Variants in ELP2 observed in about 807,000 individuals in gnomAD.
The protein encoded by ELP2 is elongator complex protein 2.
In ELP2, 90 loss-of-function variants were observed where a neutral mutation model predicts 119.2. The ratio of observed to expected loss-of-function variants is 0.75; its 90% confidence interval spans 0.64 to 0.90. The LOEUF (loss-of-function observed/expected upper bound fraction) is 0.90, where lower values mean the gene tolerates loss of function less well. Among genes scored for constraint, ELP2 ranks in the 40% least tolerant of loss-of-function variants. The pLI is 0.00. For missense variants in ELP2, 921 were observed against 967.8 expected, an observed-to-expected ratio of 0.95 and a Z score of 0.64; for synonymous variants, 339 against 331.0, an observed-to-expected ratio of 1.02 and a Z score of -0.26.
At chr18:36,166,658 C>A (rs1215403407) in intron 18 of ELP2, among the ~76,000 whole-genome samples, 2 of 152,042 alleles carry the variant, frequency 1.3e-5, no homozygotes. Context: ...TAGGTTTAGT[C>A]CATATAAGGG....
At chr18:36,161,222 T>G (rs993241121) in intron 17 of ELP2, among the ~76,000 whole-genome samples, 1 of 152,190 alleles carries the variant, frequency 6.6e-6, no homozygotes, top group African/African-American at 2.4e-5. Context: ...AGTTTATCTG[T>G]GCCTCCCTGC....
At chr18:36,147,603 G>A (rs1477610655) in intron 11 of ELP2, among the ~76,000 whole-genome samples, 1 of 151,286 alleles carries the variant, frequency 6.6e-6, no homozygotes, top group African/African-American at 2.4e-5. Flanking sequence ...TATTAGAGAC[G>A]GGGTTTCACC....
chr18:36,174,662 T>A lies in ELP2; in HGVS notation c.*21T>A. 6.2e-7 allele frequency: 1 copy of A among 1,610,044 alleles called. No individual in the cohort carries two copies. Among genetic ancestry groups the A allele is most frequent in the Non-Finnish European group, 8.5e-7 (1 of 1,176,508 alleles). The stretch of plus-strand genomic sequence containing the variant: ...TGTAATGGACTTAATAACTACATGC[T>A]TGCAGTCACTGGTATCTTAAAATAT... On this transcript the variant is annotated 3_prime_UTR_variant, in exon 22 of 22. Transcript: ENST00000358232.
chr18:36,141,362 C>G (rs3819174), intron 6 of ELP2, 161 bp downstream of exon 6: 22 of 666,328 alleles, frequency 3.3e-5, no homozygotes, highest in African/African-American at 3.0e-4. Context: ...TGGTTGTCTA[C>G]TCTGAACACC....
At chr18:36,145,082 G>A in intron 9 of ELP2, 48 bp downstream of exon 9, 1 of 1,416,038 alleles carries the variant, frequency 7.1e-7, no homozygotes, top group South Asian at 1.1e-5. Context: ...TAAATCTTAT[G>A]GCACAGTAAG....
At chr18:36,132,890 G>A (rs1178904133) in intron 1 of ELP2, among the ~76,000 whole-genome samples, 1 of 151,892 alleles carries the variant, frequency 6.6e-6, no homozygotes, top group Non-Finnish European at 1.5e-5. Context: ...CCACAAGGAA[G>A]CAGCTGCTTG....
intron 11 of ELP2, 146 bp downstream of exon 11, chr18:36,146,527 A>T: frequency 1.2e-6 from 1 of 838,834 alleles, no homozygotes; most frequent in East Asian, 2.7e-5. Flanking sequence ...GACATTGTTA[A>T]GGTATTGAAA....
chr18:36,131,494 A>G (rs549672360), intron 1 of ELP2, among the ~76,000 whole-genome samples: 1 of 152,218 alleles, frequency 6.6e-6, no homozygotes, highest in Non-Finnish European at 1.5e-5. Context: ...GAGGACCCTA[A>G]GAGGGGCGGC....
At chr18:36,160,843 G>A (rs1015357062) in intron 16 of ELP2, 89 bp from the exon 17 acceptor site, 15 of 823,232 alleles carry the variant, frequency 1.8e-5, no homozygotes, top group African/African-American at 1.2e-4. Flanking sequence ...AGCTAGAGAG[G>A]TTGATGTTAT....
intron 17 of ELP2, among the ~76,000 whole-genome samples, chr18:36,162,955 A>G (rs945510449): frequency 2.0e-5 from 3 of 152,188 alleles, no homozygotes; most frequent in Non-Finnish European, 4.4e-5. Context: ...TACAAGTGCA[A>G]CTGTGTTACA....
chr18:36,130,372 A>T (rs1283871994), intron 1 of ELP2, among the ~76,000 whole-genome samples: 1 of 152,246 alleles, frequency 6.6e-6, no homozygotes, highest in African/African-American at 2.4e-5. Flanking sequence ...TTCCTTGGGA[A>T]CTGTAGTACC....
At chr18:36,141,040 G>C (rs967134611) in intron 5 of ELP2, 97 bp from the exon 6 acceptor site, 5 of 986,440 alleles carry the variant, frequency 5.1e-6, no homozygotes, top group Non-Finnish European at 8.2e-6. Context: ...ATTGAAGTCA[G>C]GATTCTTTAC....
chr18:36,133,291 A>G lies in ELP2; in HGVS notation c.192A>G (p.Ile64Met). The G allele has an allele frequency of 6.2e-7, 1 of 1,613,738 alleles. No individual in the cohort carries two copies. Among genetic ancestry groups the G allele is most frequent in the Non-Finnish European group, 8.5e-7 (1 of 1,179,602 alleles). Reference protein sequence around the residue: ...LNGHTARVNCIQWICKQDGSP... With the variant: ...LNGHTARVNCMQWICKQDGSP... Reference sequence around the variant, plus strand: ...GTCACACCGCCCGAGTCAATTGCATACAGTGGATTTGTAAACAGGATGGCT... The same window carrying G: ...GTCACACCGCCCGAGTCAATTGCATGCAGTGGATTTGTAAACAGGATGGCT... Residue 64 changes from isoleucine (I) to methionine (M), a missense_variant, in exon 2 of 22, where the codon ATA becomes ATG. Transcript: ENST00000358232.
At chr18:36,154,066 C>CTTTTT (rs71166099) in intron 11 of ELP2, among the ~76,000 whole-genome samples, 1 of 115,880 alleles carries the variant, frequency 8.6e-6, no homozygotes, top group African/African-American at 3.2e-5. Flanking sequence ...TTGTCACAGG[C>CTTTTT]TTTTTTTTTT....
intron 11 of ELP2, among the ~76,000 whole-genome samples, chr18:36,150,356 C>T (rs2090356612): frequency 6.6e-6 from 1 of 152,236 alleles, no homozygotes; most frequent in African/African-American, 2.4e-5. Flanking sequence ...AGGGTATCTC[C>T]TCCTTCCATT....
intron 4 of ELP2, 50 bp from the exon 5 acceptor site, chr18:36,138,745 A>C: frequency 6.9e-7 from 1 of 1,457,524 alleles, no homozygotes; most frequent in Non-Finnish European, 9.6e-7. Flanking sequence ...GTCTAGTTGG[A>C]TAAGCTCTGA....
At chr18:36,148,817 A>G (rs891745799) in intron 11 of ELP2, among the ~76,000 whole-genome samples, 1 of 152,208 alleles carries the variant, frequency 6.6e-6, no homozygotes, top group Non-Finnish European at 1.5e-5. Context: ...TTGAGGCTGC[A>G]GTGAGCCATG....
rs759617796 is a variant in ELP2 at position 36,176,210 on chromosome 18, G to A, written c.*1569G>A. 6.6e-6 allele frequency: 1 copy of A among 152,062 alleles called. No individual in the cohort carries two copies. Among genetic ancestry groups the A allele is most frequent in the Non-Finnish European group, 1.5e-5 (1 of 68,034 alleles). 9.4% of individuals were successfully genotyped at this position (152,062 alleles called of 1,614,324 possible). A position where few individuals can be genotyped will look rare whatever the true frequency, so the allele number is the denominator to read the frequency against. On this transcript the variant is annotated 3_prime_UTR_variant, in exon 22 of 22. Coordinates refer to ENST00000358232, the MANE Select transcript of ELP2 (RefSeq NM_018255.4). ...ATTTAAGTGCTTCATAGCCACATGTGGCTCATGGCCATCCATATTTGGACA... is the reference window on the plus strand; with the variant it reads ...ATTTAAGTGCTTCATAGCCACATGTAGCTCATGGCCATCCATATTTGGACA...
chr18:36,131,741 A>C (rs926135804), intron 1 of ELP2, among the ~76,000 whole-genome samples: 3 of 152,208 alleles, frequency 2.0e-5, no homozygotes, highest in African/African-American at 7.2e-5. Flanking sequence ...TGTACTTAAC[A>C]CACTGAAATG....
Sources: gnomAD v4.1 joint callset for allele counts (sites outside exome capture counted in the v4.1 genomes callset) on GRCh38, gnomAD v4.1.1 for gene constraint, MANE v1.5 for transcripts, NCBI Gene and HGNC (gene_info 2026-07-23, HGNC 2026-07-21) for gene names.